The following ZCCHC24 variants were observed in gnomAD, a reference collection of about 807,000 sequenced individuals.
ZCCHC24 encodes zinc finger CCHC domain-containing protein 24.
In ZCCHC24, 10 loss-of-function variants were observed where a neutral mutation model predicts 26.2. That is an observed-to-expected ratio of 0.38 (90% CI 0.24 to 0.65). The LOEUF (loss-of-function observed/expected upper bound fraction) is 0.65. Among genes scored for constraint, ZCCHC24 ranks in the 30% least tolerant of loss-of-function variants. The pLI is 0.54. For missense variants in ZCCHC24, 243 were observed against 329.1 expected, an observed-to-expected ratio of 0.74 and a Z score of 2.03; for synonymous variants, 144 against 147.1, an observed-to-expected ratio of 0.98 and a Z score of 0.15.
Position 79,445,241 on chromosome 10 carries a change from AG to A in ZCCHC24, c.199del (p.Leu67CysfsTer18). The A allele has an allele frequency of 7.2e-7, 1 of 1,389,560 alleles. No individual in the cohort carries two copies. The highest frequency in any genetic ancestry group is 9.4e-7 in the Non-Finnish European group (1 of 1,065,684). 86.1% of individuals were successfully genotyped at this position (1,389,560 alleles called of 1,614,324 possible). A position where few individuals can be genotyped will look rare whatever the true frequency, so the allele number is the denominator to read the frequency against. On this transcript the variant is annotated frameshift_variant, in exon 1 of 4. Coordinates refer to ENST00000372336, the MANE Select transcript of ZCCHC24 (RefSeq NM_153367.4). LOFTEE classifies it high-confidence loss of function. ...KGRPEQLGSP[L>X]HSSYLNSFFQ... ...GAAGCTGTTGAGATAGCTGGAGTGC[AG>A]GGGCGAGCCCAGCTGCTCGGGGCGG...
chr10:79,437,584 CT>C (rs1276843214), intron 1 of ZCCHC24, among the ~76,000 whole-genome samples: 2 of 152,198 alleles, frequency 1.3e-5, no homozygotes. Context: ...TTGACCTCCC[CT>C]ATAGGAAGGG....
intron 1 of ZCCHC24, among the ~76,000 whole-genome samples, chr10:79,439,329 G>C (rs2395569): frequency 0.072 from 11,001 of 152,198 alleles, 497 homozygotes; most frequent in South Asian, 0.16. Context: ...TCATTCCAAT[G>C]AATCAAGAAA....
intron 1 of ZCCHC24, among the ~76,000 whole-genome samples, chr10:79,439,055 C>A (rs1180425747): frequency 6.6e-6 from 1 of 152,238 alleles, no homozygotes; most frequent in Non-Finnish European, 1.5e-5. Flanking sequence ...AGGCTTGCAG[C>A]CTCCATTGCA....
intron 1 of ZCCHC24, among the ~76,000 whole-genome samples, chr10:79,433,687 T>A (rs959828369): frequency 1.3e-5 from 2 of 152,020 alleles, no homozygotes; most frequent in African/African-American, 4.8e-5. Flanking sequence ...CCAGCACAGG[T>A]GCCCAAGAAC....
intron 2 of ZCCHC24, among the ~76,000 whole-genome samples, chr10:79,408,170 TAC>T (rs1856743841): frequency 6.6e-6 from 1 of 152,168 alleles, no homozygotes; most frequent in Non-Finnish European, 1.5e-5. Flanking sequence ...GCCCCTGAGC[TAC>T]AGATGTGGAG....
At chr10:79,399,313 C>A (rs953462105) in intron 2 of ZCCHC24, among the ~76,000 whole-genome samples, 3 of 152,194 alleles carry the variant, frequency 2.0e-5, no homozygotes, top group Admixed American at 6.5e-5. Context: ...CACCACACAC[C>A]CCCCTGCCTC....
chr10:79,418,379 C>T (rs985097420), intron 2 of ZCCHC24, among the ~76,000 whole-genome samples: 4 of 152,272 alleles, frequency 2.6e-5, no homozygotes, highest in Non-Finnish European at 4.4e-5. Flanking sequence ...GATGAGAGCT[C>T]GGGCCTTCTG....
chr10:79,404,393 C>G (rs1178432299), intron 2 of ZCCHC24, among the ~76,000 whole-genome samples: 2 of 152,170 alleles, frequency 1.3e-5, no homozygotes, highest in African/African-American at 4.8e-5. Context: ...TAGCAAACCA[C>G]ACGGATCAGA....
intron 2 of ZCCHC24, among the ~76,000 whole-genome samples, chr10:79,397,666 C>T (rs7899991): frequency 0.83 from 125,694 of 152,108 alleles, 52,080 homozygotes; most frequent in East Asian, 0.91. Context: ...ACTCCTTGAT[C>T]GAAGGTGGGA....
chr10:79,384,430 G>T lies in ZCCHC24; in HGVS notation c.*1915C>A, dbSNP rs1053643999. 1 of 152,446 alleles carries T rather than the reference G, an allele frequency of 6.6e-6. No homozygotes were observed. The allele number at this position is 152,446 out of a possible 1,614,324, so 9.4% of individuals were successfully genotyped here. On this transcript the variant is annotated 3_prime_UTR_variant, in exon 4 of 4. Transcript: ENST00000372336. ...TGCGGTAGGATGACTGTCAGTGGCA[G>T]CTTCTCCTTGGGACAGAAGCCTGGG...
intron 2 of ZCCHC24, among the ~76,000 whole-genome samples, chr10:79,414,822 A>C (rs531911129): frequency 2.4e-4 from 36 of 152,244 alleles, no homozygotes; most frequent in African/African-American, 7.7e-4. Flanking sequence ...ACCAAAAAAA[A>C]CCCAGGTGGT....
chr10:79,415,124 G>A (rs1856843083), intron 2 of ZCCHC24, among the ~76,000 whole-genome samples: 1 of 152,184 alleles, frequency 6.6e-6, no homozygotes, highest in Admixed American at 6.5e-5. Flanking sequence ...GACACACTGA[G>A]TTGCTAGGCT....
intron 2 of ZCCHC24, among the ~76,000 whole-genome samples, chr10:79,400,531 T>C (rs183572140): frequency 6.6e-6 from 1 of 152,332 alleles, no homozygotes; most frequent in Admixed American, 6.5e-5. Flanking sequence ...GACAGGACTG[T>C]TGATGATCTT....
chr10:79,394,257 C>G lies in ZCCHC24; in HGVS notation c.612+19G>C. 3.7e-6 allele frequency: 6 copies of G among 1,609,938 alleles called. No homozygotes were observed. Among genetic ancestry groups the G allele is most frequent in the Non-Finnish European group, 5.1e-6 (6 of 1,177,444 alleles). ...CCTCCCGCGGTCCTTCTGAGAAGGCCCCAGCCTGCCCGGCTCACCTGCTTG... is the reference window on the plus strand; with the variant it reads ...CCTCCCGCGGTCCTTCTGAGAAGGCGCCAGCCTGCCCGGCTCACCTGCTTG... On this transcript the variant is annotated intron_variant, in intron 3 of 3. Coordinates refer to ENST00000372336, the MANE Select transcript of ZCCHC24 (RefSeq NM_153367.4).
chr10:79,431,833 T>G (rs1312639167), intron 2 of ZCCHC24, among the ~76,000 whole-genome samples: 3 of 152,194 alleles, frequency 2.0e-5, no homozygotes, highest in Non-Finnish European at 4.4e-5. Flanking sequence ...GATAATCTCA[T>G]GCTGTACTTA....
At position 79,403,622 on chromosome 10, in the gene ZCCHC24, G is replaced by A. The variant is rs1856668762; in HGVS notation, c.448-9182C>T. ...CCCGGGGCTTCCTCTGGAGCCTCAAGGGCCTCCTTGTCTGCGCACAGCCGT... is the reference window on the plus strand; with the variant it reads ...CCCGGGGCTTCCTCTGGAGCCTCAAAGGCCTCCTTGTCTGCGCACAGCCGT... On this transcript the variant is annotated intron_variant, in intron 2 of 3. Transcript: ENST00000372336. 5.1e-6 allele frequency: 5 copies of A among 984,130 alleles called. No individual in the cohort carries two copies. In the South Asian group the frequency reaches 2.4e-4, roughly 46 times the overall value. 61.0% of individuals were successfully genotyped at this position (984,130 alleles called of 1,614,324 possible).
intron 3 of ZCCHC24, among the ~76,000 whole-genome samples, chr10:79,393,382 G>A (rs540755893): frequency 6.6e-6 from 1 of 152,284 alleles, no homozygotes; most frequent in African/African-American, 2.4e-5. Context: ...ATCCATTCAG[G>A]TGCTCCAGCC....
chr10:79,409,929 G>A (rs1336438988), intron 2 of ZCCHC24, among the ~76,000 whole-genome samples: 1 of 152,212 alleles, frequency 6.6e-6, no homozygotes, highest in African/African-American at 2.4e-5. Context: ...CCCAGCTGGG[G>A]GAGGAGGCGG....
Position 79,445,175 on chromosome 10 carries a change from G to C in ZCCHC24, c.246+20C>G. 11 of 1,263,034 alleles carry C rather than the reference G, an allele frequency of 8.7e-6. No homozygotes were observed. The highest frequency in any genetic ancestry group is 1.0e-5 in the Non-Finnish European group (10 of 998,668). The allele number at this position is 1,263,034 out of a possible 1,614,324, so 78.2% of individuals were successfully genotyped here. ...GGTGGGGCGGTGGGGCGGTGGGCGGGGGCGCGCGGGGGCACCCACCTCTCC... is the reference window on the plus strand; with the variant it reads ...GGTGGGGCGGTGGGGCGGTGGGCGGCGGCGCGCGGGGGCACCCACCTCTCC... On this transcript the variant is annotated intron_variant, in intron 1 of 3. Transcript: ENST00000372336.
Sources: gnomAD v4.1 joint callset for allele counts (sites outside exome capture counted in the v4.1 genomes callset) on GRCh38, gnomAD v4.1.1 for gene constraint, MANE v1.5 for transcripts, NCBI Gene and HGNC (gene_info 2026-07-23, HGNC 2026-07-21) for gene names.